The following TOM1L1 variants were observed in gnomAD, a reference collection of about 807,000 sequenced individuals.
TOM1L1 encodes the protein target of myb1 like 1 membrane trafficking protein.
TOM1L1 carries 64 observed loss-of-function variants against 63.4 expected under a neutral mutation model. The observed-to-expected ratio is 1.01, with a 90% CI of 0.83 to 1.24. TOM1L1 has a LOEUF of 1.24. TOM1L1 is among the 50% of genes most tolerant of loss of function. The pLI is 0.00. For synonymous variants in TOM1L1, 166 were observed against 194.4 expected, an observed-to-expected ratio of 0.85 and a Z score of 1.22; for missense variants, 536 against 567.0, an observed-to-expected ratio of 0.95 and a Z score of 0.55.
intron 7 of TOM1L1, among the ~76,000 whole-genome samples, chr17:54,924,471 G>A (rs1206693989): frequency 2.0e-5 from 3 of 151,688 alleles, no homozygotes; most frequent in Non-Finnish European, 4.4e-5. Flanking sequence ...GTAGAGATGG[G>A]GTTTCACTAT....
chr17:54,909,916 G>A (rs1026373175), intron 3 of TOM1L1, among the ~76,000 whole-genome samples: 9 of 152,154 alleles, frequency 5.9e-5, no homozygotes, highest in East Asian at 5.8e-4. Context: ...AATTTGCCAC[G>A]TAGGTTTTAT....
intron 11 of TOM1L1, among the ~76,000 whole-genome samples, chr17:54,941,811 G>A (rs2049035532): frequency 6.6e-6 from 1 of 152,160 alleles, no homozygotes; most frequent in African/African-American, 2.4e-5. Context: ...TCTTTAACAT[G>A]CATTCCAGGA....
At chr17:54,937,580 A>G (rs1244656134) in intron 10 of TOM1L1, 3 of 201,872 alleles carry the variant, frequency 1.5e-5, no homozygotes, top group African/African-American at 2.3e-5. Flanking sequence ...AGCATCAGGT[A>G]AGGGAGTATC....
chr17:54,926,622 A>G (rs1005202877), intron 7 of TOM1L1, among the ~76,000 whole-genome samples: 13 of 149,302 alleles, frequency 8.7e-5, no homozygotes, highest in Non-Finnish European at 1.6e-4. Flanking sequence ...ATTTGATCCT[A>G]TGAGGATTGT....
At chr17:54,923,735 AG>A (rs1166559573) in intron 7 of TOM1L1, among the ~76,000 whole-genome samples, 7 of 151,888 alleles carry the variant, frequency 4.6e-5, no homozygotes, top group Admixed American at 1.3e-4. Flanking sequence ...TAGTAGATAC[AG>A]GGTTTCACCA....
At chr17:54,902,308 TTTTTG>T (rs1410016234) in intron 1 of TOM1L1, among the ~76,000 whole-genome samples, 7 of 152,182 alleles carry the variant, frequency 4.6e-5, no homozygotes, top group Non-Finnish European at 8.8e-5. Flanking sequence ...TTTGTTTTTG[TTTTTG>T]TTTTGAGACG....
intron 7 of TOM1L1, among the ~76,000 whole-genome samples, chr17:54,929,596 A>G (rs1485981092): frequency 6.6e-6 from 1 of 152,232 alleles, no homozygotes; most frequent in Non-Finnish European, 1.5e-5. Context: ...TAATAATGCA[A>G]TAACATTTTA....
At chr17:54,960,781 C>G (rs1037217468) in intron 15 of TOM1L1, among the ~76,000 whole-genome samples, 154 bp downstream of exon 15, 1 of 152,128 alleles carries the variant, frequency 6.6e-6, no homozygotes, top group Non-Finnish European at 1.5e-5. Flanking sequence ...TTGTGCTGAA[C>G]CATTGTTCAC....
At chr17:54,904,117 C>G (rs924322575) in intron 2 of TOM1L1, among the ~76,000 whole-genome samples, 7 of 152,112 alleles carry the variant, frequency 4.6e-5, no homozygotes, top group African/African-American at 1.7e-4. Flanking sequence ...CCTGTAATCC[C>G]AGCACTTTGG....
rs79545265 is a variant in TOM1L1, at chr17:54,902,314, T to C, written c.58+1391T>C. On this transcript the variant is annotated intron_variant, in intron 1 of 15. Transcript: ENST00000575882. ...TGTTTTGTTTTTGTTTTTGTTTTTG[T>C]TTTGAGACGGGGAGTGACACCCAGG... Among the ~76,000 whole-genome samples, 576 of 152,282 alleles carry C rather than the reference T, an allele frequency of 3.8e-3. 6 individuals are homozygous for C. Among genetic ancestry groups the C allele is most frequent in the African/African-American group, 0.013 (542 of 41,546 alleles).
chr17:54,904,410 G>A (rs1054451647), intron 2 of TOM1L1, among the ~76,000 whole-genome samples: 25 of 150,828 alleles, frequency 1.7e-4, no homozygotes, highest in African/African-American at 6.1e-4. Flanking sequence ...GAGAGATTGT[G>A]TCCTTCTTTA....
At chr17:54,923,682 A>T (rs779985809) in intron 7 of TOM1L1, among the ~76,000 whole-genome samples, 4 of 152,026 alleles carry the variant, frequency 2.6e-5, no homozygotes, top group Non-Finnish European at 4.4e-5. Flanking sequence ...AGTAGCTGAG[A>T]CTATAGGTGC....
At chr17:54,922,196 G>A (rs1184299443) in intron 7 of TOM1L1, among the ~76,000 whole-genome samples, 2 of 152,104 alleles carry the variant, frequency 1.3e-5, no homozygotes, top group Non-Finnish European at 2.9e-5. Flanking sequence ...GGGAGGCTGA[G>A]GCAGTAGAAT....
intron 1 of TOM1L1, 96 bp from the exon 2 acceptor site, chr17:54,903,612 A>C: frequency 9.0e-7 from 1 of 1,105,230 alleles, no homozygotes; most frequent in Admixed American, 2.0e-5. Flanking sequence ...TGTAAACTTA[A>C]TGACACTTGC....
chr17:54,904,142 C>T lies in TOM1L1; in HGVS notation c.143+350C>T, dbSNP rs1009562550. 5.3e-5 allele frequency among the ~76,000 whole-genome samples: 8 copies of T among 152,044 alleles called. No homozygotes were observed. In the South Asian group the frequency reaches 1.5e-3, roughly 28 times the overall value. On this transcript the variant is annotated intron_variant, in intron 2 of 15. Transcript: ENST00000575882. ...CAGCACTTTGGGAGGCCGAGGCGGG[C>T]GGATCATGAGGTCGGGAGATGGAGA...
At chr17:54,950,516 A>G (rs946265511) in intron 14 of TOM1L1, among the ~76,000 whole-genome samples, 9 of 152,216 alleles carry the variant, frequency 5.9e-5, no homozygotes, top group African/African-American at 9.6e-5. Flanking sequence ...AAAAAATCTT[A>G]TATTAGAACT....
intron 14 of TOM1L1, 23 bp downstream of exon 14, chr17:54,950,149 A>ATC (rs752046546): frequency 6.3e-7 from 1 of 1,583,226 alleles, no homozygotes; most frequent in Admixed American, 1.7e-5. Context: ...CAAAATGATT[A>ATC]ATTTATTTTT....
chr17:54,918,224 T>G (rs532279998), intron 7 of TOM1L1, among the ~76,000 whole-genome samples: 33 of 152,338 alleles, frequency 2.2e-4, no homozygotes, highest in African/African-American at 6.5e-4. Context: ...AATCTGGGCC[T>G]TGCTCTCTTT....
Position 54,939,024 on chromosome 17 carries a change from A to G in TOM1L1, c.1130+4A>G, listed in dbSNP as rs541209118. The G allele has an allele frequency of 1.9e-6, 3 of 1,550,832 alleles. No homozygotes were observed. Among genetic ancestry groups the G allele is most frequent in the Non-Finnish European group, 2.7e-6 (3 of 1,124,746 alleles). On this transcript the variant is annotated splice_donor_region_variant and intron_variant, in intron 11 of 15. Transcript: ENST00000575882. ...TGGAGAATACAGAGATACCCCCGTA[A>G]GTATGTCAGTAACACTGCAGAACTA...
Sources: allele counts gnomAD v4.1 joint callset (sites outside exome capture counted in the v4.1 genomes callset), GRCh38; gene constraint gnomAD v4.1.1; transcripts MANE v1.5; gene names NCBI Gene and HGNC (gene_info 2026-07-23, HGNC 2026-07-21).